OPTC: variants seen among roughly 807,000 people sequenced by gnomAD.
OPTC encodes opticin, also known as oculoglycan.
A neutral mutation model predicts 25.4 loss-of-function variants in OPTC; 22 were observed. That is an observed-to-expected ratio of 0.87 (90% CI 0.62 to 1.24). The LOEUF (loss-of-function observed/expected upper bound fraction) is 1.24, where lower values mean the gene tolerates loss of function less well. OPTC is among the 50% of genes most tolerant of loss of function. The probability of loss-of-function intolerance (pLI) is 0.00; values close to 1 mark genes in which losing one functional copy is unlikely to be tolerated. For missense variants in OPTC, 417 were observed against 425.2 expected (o/e 0.98, Z 0.17); for synonymous variants, 169 against 179.3 (o/e 0.94, Z 0.46).
At chr1:203,501,554 G>A (rs1408789588) in intron 5 of OPTC, among the ~76,000 whole-genome samples, 2 of 152,208 alleles carry the variant, frequency 1.3e-5, no homozygotes, top group Admixed American at 6.5e-5. Context: ...TTCTCTCTCT[G>A]TCTCTCAAGT....
chr1:203,505,194 G>A (rs1423092374), intron 7 of OPTC, among the ~76,000 whole-genome samples: 2 of 152,184 alleles, frequency 1.3e-5, no homozygotes, highest in Admixed American at 6.5e-5. Context: ...GTACGCAACA[G>A]AAACATATTC....
rs75011045 is a variant in OPTC at position 203,496,342 on chromosome 1, T to C, written c.231+106T>C. Reference sequence around the variant, plus strand: ...TGCGGGTGTCTCCAGCCTCCACCTCTTTCTCTGTGAGGTGGAAATTCTTAT... The same window carrying C: ...TGCGGGTGTCTCCAGCCTCCACCTCCTTCTCTGTGAGGTGGAAATTCTTAT... On this transcript the variant is annotated intron_variant, in intron 2 of 7. Transcript: ENST00000367222. 0.043 allele frequency: 33,211 copies of C among 773,624 alleles called. 945 individuals are homozygous for C. Among genetic ancestry groups the C allele is most frequent in the Middle Eastern group, 0.063 (218 of 3,468 alleles). 47.9% of individuals were successfully genotyped at this position (773,624 alleles called of 1,614,324 possible). A position where few individuals can be genotyped will look rare whatever the true frequency, so the allele number is the denominator to read the frequency against.
intron 7 of OPTC, among the ~76,000 whole-genome samples, chr1:203,506,957 G>A (rs1425632285): frequency 6.6e-6 from 1 of 152,252 alleles, no homozygotes; most frequent in Non-Finnish European, 1.5e-5. Context: ...AAGGGCCGCT[G>A]CCTCTGCAGC....
chr1:203,495,842 T>C, intron 1 of OPTC, 123 bp from the exon 2 acceptor site: 2 of 662,720 alleles, frequency 3.0e-6, no homozygotes, highest in Non-Finnish European at 5.5e-6. Context: ...TTTGTGCATG[T>C]GATGAGAGCA....
intron 7 of OPTC, among the ~76,000 whole-genome samples, chr1:203,505,222 T>G (rs1039859837): frequency 3.9e-5 from 6 of 152,078 alleles, no homozygotes; most frequent in African/African-American, 1.4e-4. Context: ...TCAGAGAGCT[T>G]AGAATTTAGT....
At chr1:203,501,857 A>G (rs1001030890) in intron 5 of OPTC, among the ~76,000 whole-genome samples, 1 of 152,142 alleles carries the variant, frequency 6.6e-6, no homozygotes, top group Non-Finnish European at 1.5e-5. Flanking sequence ...ACGGGATTGC[A>G]TGATCCCTGA....
intron 4 of OPTC, 110 bp downstream of exon 4, chr1:203,498,949 T>A: frequency 1.6e-6 from 2 of 1,251,332 alleles, no homozygotes; most frequent in Non-Finnish European, 2.3e-6. Flanking sequence ...CTCTTTCCTG[T>A]TGGCTCTCAG....
chr1:203,498,305 C>G (rs1253745345), intron 3 of OPTC, among the ~76,000 whole-genome samples: 1 of 152,240 alleles, frequency 6.6e-6, no homozygotes, highest in Non-Finnish European at 1.5e-5. Flanking sequence ...GAGCCAGCAA[C>G]CACTGGCCAT....
intron 6 of OPTC, 143 bp from the exon 7 acceptor site, chr1:203,503,407 G>T (rs1172745434): frequency 3.7e-6 from 3 of 805,278 alleles, no homozygotes; most frequent in Non-Finnish European, 6.4e-6. Context: ...CACCCTTGTT[G>T]TGTGGCTTTG....
chr1:203,495,650 G>A (rs1310962288), intron 1 of OPTC, among the ~76,000 whole-genome samples: 2 of 152,246 alleles, frequency 1.3e-5, no homozygotes, highest in East Asian at 3.8e-4. Flanking sequence ...ATGCACCAGT[G>A]TGTGCCTCGT....
intron 7 of OPTC, among the ~76,000 whole-genome samples, chr1:203,507,344 G>A (rs1661510223): frequency 6.6e-6 from 1 of 152,324 alleles, no homozygotes; most frequent in African/African-American, 2.4e-5. Flanking sequence ...GGAAGGGAGT[G>A]AGAGGAGGGG....
chr1:203,505,610 G>A (rs1000863784), intron 7 of OPTC, among the ~76,000 whole-genome samples: 4 of 152,220 alleles, frequency 2.6e-5, no homozygotes, highest in Non-Finnish European at 5.9e-5. Context: ...CAGATGGAGA[G>A]ATGGAGAACT....
intron 1 of OPTC, among the ~76,000 whole-genome samples, chr1:203,495,210 T>A (rs1661258009): frequency 6.6e-6 from 1 of 152,122 alleles, no homozygotes; most frequent in Non-Finnish European, 1.5e-5. Flanking sequence ...CATGAATGGA[T>A]GATCTTTATA....
At chr1:203,494,504 C>T (rs1661247413) in intron 1 of OPTC, among the ~76,000 whole-genome samples, 1 of 152,016 alleles carries the variant, frequency 6.6e-6, no homozygotes, top group Non-Finnish European at 1.5e-5. Flanking sequence ...GGGAGGTTAA[C>T]TGGGCATGGT....
intron 7 of OPTC, among the ~76,000 whole-genome samples, chr1:203,507,194 A>G (rs1558241547): frequency 6.6e-6 from 1 of 152,154 alleles, no homozygotes; most frequent in South Asian, 2.1e-4. Flanking sequence ...TCAGGTACCT[A>G]AAGGGGTTAG....
At chr1:203,508,460 CTG>C (rs1275265772) in intron 7 of OPTC, among the ~76,000 whole-genome samples, 184 bp from the exon 8 acceptor site, 1 of 152,186 alleles carries the variant, frequency 6.6e-6, no homozygotes, top group African/African-American at 2.4e-5. Context: ...CCCTACATGC[CTG>C]TGTCTGTGTC....
chr1:203,500,418 C>T (rs1473709947), intron 5 of OPTC, among the ~76,000 whole-genome samples: 2 of 144,464 alleles, frequency 1.4e-5, no homozygotes, highest in Non-Finnish European at 3.0e-5. Context: ...CCCGCCTCCA[C>T]TGCCACCACC....
rs1661350894 is a variant in OPTC, at chr1:203,499,975, C to T, written c.732+124C>T. 5 of 805,052 alleles carry T rather than the reference C, an allele frequency of 6.2e-6. No individual in the cohort carries two copies. In the Middle Eastern group the frequency reaches 1.0e-3, roughly 165 times the overall value. The allele number at this position is 805,052 out of a possible 1,614,324, so 49.9% of individuals were successfully genotyped here. A position where few individuals can be genotyped will look rare whatever the true frequency, so the allele number is the denominator to read the frequency against. On this transcript the variant is annotated intron_variant, in intron 5 of 7. Transcript: ENST00000367222. Reference sequence around the variant, plus strand: ...ACCCACCTCCACCTCTACCACCCACCTCCACCATCACCCACCTCTACCACC... The same window carrying T: ...ACCCACCTCCACCTCTACCACCCACTTCCACCATCACCCACCTCTACCACC...
intron 5 of OPTC, 77 bp from the exon 6 acceptor site, chr1:203,502,837 T>G: frequency 1.8e-6 from 2 of 1,115,136 alleles, no homozygotes; most frequent in South Asian, 2.5e-5. Flanking sequence ...GCCACCTGTC[T>G]CTGGTCTCAT....
Sources: allele counts gnomAD v4.1 joint callset (sites outside exome capture counted in the v4.1 genomes callset), GRCh38; gene constraint gnomAD v4.1.1; transcripts MANE v1.5; gene names NCBI Gene and HGNC (gene_info 2026-07-23, HGNC 2026-07-21).